The following SEMA5A variants were observed in gnomAD, a reference collection of about 807,000 sequenced individuals.
SEMA5A encodes the protein semaphorin-5A.
A neutral mutation model predicts 135.5 loss-of-function variants in SEMA5A; 55 were observed. The ratio of observed to expected loss-of-function variants is 0.41; its 90% confidence interval spans 0.33 to 0.51. The LOEUF is 0.51. Among genes scored for constraint, SEMA5A ranks in the 20% least tolerant of loss-of-function variants. The probability of loss-of-function intolerance (pLI) is 0.37; values close to 1 mark genes in which losing one functional copy is unlikely to be tolerated. For missense variants in SEMA5A, 1,290 were observed against 1,419.9 expected (o/e 0.91, Z 1.47); for synonymous variants, 580 against 546.5 (o/e 1.06, Z -0.85).
chr5:9,284,476 G>A (rs527996603), intron 5 of SEMA5A, among the ~76,000 whole-genome samples: 8 of 152,182 alleles, frequency 5.3e-5, no homozygotes, highest in Non-Finnish European at 8.8e-5. Flanking sequence ...CAACCGTTTG[G>A]GAGTTAACAA....
At chr5:9,368,080 G>T (rs947150029) in intron 3 of SEMA5A, among the ~76,000 whole-genome samples, 3 of 152,156 alleles carry the variant, frequency 2.0e-5, no homozygotes, top group African/African-American at 7.2e-5. Flanking sequence ...TTCCTTTACA[G>T]TAATGCAAAA....
intron 16 of SEMA5A, among the ~76,000 whole-genome samples, chr5:9,067,426 G>T (rs1464223711): frequency 6.6e-6 from 1 of 152,158 alleles, no homozygotes; most frequent in Non-Finnish European, 1.5e-5. Context: ...GTTGACCTTG[G>T]ATACAGTGTG....
At chr5:9,445,585 C>T (rs1280589894) in intron 1 of SEMA5A, among the ~76,000 whole-genome samples, 2 of 151,942 alleles carry the variant, frequency 1.3e-5, no homozygotes, top group Non-Finnish European at 2.9e-5. Context: ...AGGAGAATGG[C>T]GTCAACCCGG....
intron 1 of SEMA5A, among the ~76,000 whole-genome samples, chr5:9,482,184 C>G (rs1300070529): frequency 1.3e-5 from 2 of 152,150 alleles, no homozygotes; most frequent in Non-Finnish European, 2.9e-5. Context: ...GAGAGCTGAA[C>G]AGTACCTGAC....
At chr5:9,346,846 T>C (rs1424989413) in intron 3 of SEMA5A, among the ~76,000 whole-genome samples, 1 of 152,066 alleles carries the variant, frequency 6.6e-6, no homozygotes, top group African/African-American at 2.4e-5. Context: ...CATACACACA[T>C]AGATATATAA....
intron 1 of SEMA5A, among the ~76,000 whole-genome samples, chr5:9,460,842 C>T (rs1052249653): frequency 2.0e-5 from 3 of 152,122 alleles, no homozygotes; most frequent in Non-Finnish European, 4.4e-5. Flanking sequence ...CTATGATAAC[C>T]TATGTCATTA....
At chr5:9,404,716 A>T (rs1756807721) in intron 2 of SEMA5A, among the ~76,000 whole-genome samples, 1 of 152,226 alleles carries the variant, frequency 6.6e-6, no homozygotes, top group South Asian at 2.1e-4. Context: ...GTTAAGGGTA[A>T]AAACTCTGAT....
intron 3 of SEMA5A, among the ~76,000 whole-genome samples, chr5:9,338,324 G>C (rs916509405): frequency 6.6e-6 from 1 of 151,972 alleles, no homozygotes; most frequent in Non-Finnish European, 1.5e-5. Flanking sequence ...GATTAGACTT[G>C]TTAAACACAT....
rs111310656 is a variant in SEMA5A, at chr5:9,388,898, C to CA, written c.-77-8876dup. Among the ~76,000 whole-genome samples, 154 of 136,554 alleles carry CA rather than the reference C, an allele frequency of 1.1e-3. 2 individuals are homozygous for CA. Among genetic ancestry groups the CA allele is most frequent in the Admixed American group, 1.8e-3 (25 of 13,610 alleles). The allele number at this position is 136,554 out of a possible 152,430, so 89.6% of individuals were successfully genotyped here. On this transcript the variant is annotated intron_variant, in intron 2 of 22. Coordinates refer to ENST00000382496, the MANE Select transcript of SEMA5A (RefSeq NM_003966.3). ...TGGGTGACACAGCGAGACTCCGTCT[C>CA]AAAAAAAAAAAGAAAGAAAGAAAGA...
At chr5:9,402,306 C>A (rs1441801036) in intron 2 of SEMA5A, among the ~76,000 whole-genome samples, 2 of 152,182 alleles carry the variant, frequency 1.3e-5, no homozygotes, top group African/African-American at 4.8e-5. Context: ...ACCTCACCAC[C>A]AATTTCACAA....
intron 11 of SEMA5A, among the ~76,000 whole-genome samples, chr5:9,185,597 A>G (rs1744761230): frequency 6.6e-6 from 1 of 152,216 alleles, no homozygotes; most frequent in Non-Finnish European, 1.5e-5. Flanking sequence ...CTTTTAAAAA[A>G]TATATTTATT....
intron 7 of SEMA5A, among the ~76,000 whole-genome samples, chr5:9,226,590 T>C (rs1488924715): frequency 2.0e-5 from 3 of 152,214 alleles, no homozygotes; most frequent in Admixed American, 6.5e-5. Flanking sequence ...AGGATTAATG[T>C]TTAAAGTCAC....
intron 11 of SEMA5A, among the ~76,000 whole-genome samples, chr5:9,164,071 AATTT>A (rs553936164): frequency 3.6e-5 from 3 of 82,536 alleles, no homozygotes; most frequent in Admixed American, 1.7e-4. Context: ...ATATTTATAT[AATTT>A]ATATAATTAT....
intron 5 of SEMA5A, among the ~76,000 whole-genome samples, chr5:9,315,397 CAAATT>C (rs1730389275): frequency 6.6e-6 from 1 of 152,120 alleles, no homozygotes; most frequent in African/African-American, 2.4e-5. Flanking sequence ...TCAAAATCAA[CAAATT>C]AATATTAATA....
At chr5:9,094,631 G>C (rs1739222323) in intron 16 of SEMA5A, among the ~76,000 whole-genome samples, 1 of 152,182 alleles carries the variant, frequency 6.6e-6, no homozygotes, top group African/African-American at 2.4e-5. Flanking sequence ...TATGTGCGGA[G>C]CCCGAATAAT....
chr5:9,350,995 A>G (rs1754088657), intron 3 of SEMA5A, among the ~76,000 whole-genome samples: 1 of 152,260 alleles, frequency 6.6e-6, no homozygotes, highest in Non-Finnish European at 1.5e-5. Context: ...TGATAAGCAC[A>G]GTAAACACAA....
chr5:9,306,215 C>T (rs147820178), intron 5 of SEMA5A, among the ~76,000 whole-genome samples: 123 of 152,278 alleles, frequency 8.1e-4, no homozygotes, highest in African/African-American at 2.9e-3. Context: ...GTGATAATTA[C>T]CAGGCACATA....
intron 4 of SEMA5A, among the ~76,000 whole-genome samples, chr5:9,336,820 T>G (rs3797983): frequency 0.016 from 2,499 of 152,300 alleles, 89 homozygotes; most frequent in East Asian, 0.13. Flanking sequence ...GCAAAACCTC[T>G]GTAGCTATGG....
At chr5:9,330,837 C>T (rs1401245533) in intron 4 of SEMA5A, among the ~76,000 whole-genome samples, 1 of 152,138 alleles carries the variant, frequency 6.6e-6, no homozygotes, top group Non-Finnish European at 1.5e-5. Flanking sequence ...AACCTTTAAA[C>T]CCTAAAGTGG....
Sources: allele counts gnomAD v4.1 joint callset (sites outside exome capture counted in the v4.1 genomes callset), GRCh38; gene constraint gnomAD v4.1.1; transcripts MANE v1.5; gene names NCBI Gene and HGNC (gene_info 2026-07-23, HGNC 2026-07-21).